MAOA: variants seen among roughly 807,000 people sequenced by gnomAD.
MAOA encodes amine oxidase [flavin-containing] A.
A neutral mutation model predicts 42.0 loss-of-function variants in MAOA; 6 were observed. That is an observed-to-expected ratio of 0.14 (90% CI 0.08 to 0.28). The LOEUF (loss-of-function observed/expected upper bound fraction) is 0.28, where lower values mean the gene tolerates loss of function less well. MAOA is among the 10% of genes least tolerant of loss of function. MAOA has a pLI of 1.00. For synonymous variants in MAOA, 140 were observed against 154.0 expected, an observed-to-expected ratio of 0.91 and a Z score of 0.67; for missense variants, 262 against 422.3, an observed-to-expected ratio of 0.62 and a Z score of 3.33.
chrX:43,707,075 G>A (rs1314365344), intron 3 of MAOA, among the ~76,000 whole-genome samples: 1 of 111,724 alleles, frequency 9.0e-6, no homozygotes, highest in African/African-American at 3.3e-5. Flanking sequence ...CATGAAAAAT[G>A]TAAACCATAA....
At chrX:43,667,379 C>T (rs771103596) in intron 1 of MAOA, among the ~76,000 whole-genome samples, 1 of 111,408 alleles carries the variant, frequency 9.0e-6, no homozygotes, top group Admixed American at 9.6e-5. Context: ...TCACCTGTAT[C>T]ACAGCACCTA....
At chrX:43,663,987 G>GT (rs1211398034) in intron 1 of MAOA, among the ~76,000 whole-genome samples, 2 of 111,893 alleles carry the variant, frequency 1.8e-5, no homozygotes, top group Non-Finnish European at 3.8e-5. Flanking sequence ...ACGCATAGAT[G>GT]TTTTTCTCCT....
At position 43,686,488 on chromosome X, in the gene MAOA, G is replaced by A. The variant is rs752459936; in HGVS notation, c.168+2881G>A. The stretch of plus-strand genomic sequence containing the variant: ...TATACTCCAAATGATGAGAAGGAGA[G>A]AAAGAGGGCTTTAAGAAACAGGCAT... On this transcript the variant is annotated intron_variant, in intron 2 of 14. Transcript: ENST00000338702. 2.4e-3 allele frequency among the ~76,000 whole-genome samples: 274 copies of A among 112,794 alleles called. 5 individuals carry two copies. The highest frequency in any genetic ancestry group is 9.3e-3 in the Middle Eastern group (2 of 214).
At chrX:43,663,864 T>C (rs1437787472) in intron 1 of MAOA, among the ~76,000 whole-genome samples, 4 of 112,206 alleles carry the variant, frequency 3.6e-5, no homozygotes, top group Non-Finnish European at 5.6e-5. Context: ...ATTTAGGATA[T>C]GTAGAGATTG....
chrX:43,691,470 A>C (rs1423179130), intron 2 of MAOA, among the ~76,000 whole-genome samples: 1 of 112,411 alleles, frequency 8.9e-6, no homozygotes, highest in East Asian at 2.8e-4. Flanking sequence ...ATGAACATTA[A>C]ACCAACAGTT....
At chrX:43,708,662 GTTT>G (rs758339663) in intron 3 of MAOA, among the ~76,000 whole-genome samples, 1 of 96,113 alleles carries the variant, frequency 1.0e-5, no homozygotes, top group African/African-American at 3.9e-5. Flanking sequence ...TCTTCTTGTT[GTTT>G]TTTTTTTTTT....
chrX:43,696,197 G>A (rs1361861641), intron 3 of MAOA, among the ~76,000 whole-genome samples: 1 of 111,690 alleles, frequency 9.0e-6, no homozygotes, highest in Non-Finnish European at 1.9e-5. Context: ...TTTTGTTGCT[G>A]CTGCTGAGTC....
At position 43,745,199 on chromosome X, in the gene MAOA, G is replaced by A. The variant is rs1303714592; in HGVS notation, c.*686G>A. The A allele has an allele frequency of 8.8e-6, 1 of 113,988 alleles. No homozygotes were observed. Among genetic ancestry groups the A allele is most frequent in the Non-Finnish European group, 1.8e-5 (1 of 54,395 alleles). The allele number at this position is 113,988 out of a possible 1,213,427, so 9.4% of individuals were successfully genotyped here. On this transcript the variant is annotated 3_prime_UTR_variant, in exon 15 of 15. Coordinates refer to ENST00000338702, the MANE Select transcript of MAOA (RefSeq NM_000240.4). ...TTTTTCCTCTTTCACTTCTTATGGAGGAGAGTGTTTAACTGAGTTAGAATG... is the reference window on the plus strand; with the variant it reads ...TTTTTCCTCTTTCACTTCTTATGGAAGAGAGTGTTTAACTGAGTTAGAATG...
intron 5 of MAOA, among the ~76,000 whole-genome samples, chrX:43,717,702 C>T (rs2033755424): frequency 9.1e-6 from 1 of 110,283 alleles, no homozygotes; most frequent in Admixed American, 9.6e-5. Context: ...CATGAATGAC[C>T]CACTGGGGTC....
Position 43,672,043 on chromosome X carries a change from G to A in MAOA, c.74-11470G>A, listed in dbSNP as rs181482174. On this transcript the variant is annotated intron_variant, in intron 1 of 14. Transcript: ENST00000338702. The stretch of plus-strand genomic sequence containing the variant: ...ATAAATTACCTTGGGCAGTATGGCC[G>A]GTTTCACAATATTGATTCTTCCTAC... 6.8e-4 allele frequency among the ~76,000 whole-genome samples: 76 copies of A among 111,259 alleles called. No individual in the cohort carries two copies. In the Admixed American group the frequency reaches 7.2e-3, roughly 10 times the overall value.
chrX:43,711,750 C>A, intron 3 of MAOA, 122 bp from the exon 4 acceptor site: 1 of 532,951 alleles, frequency 1.9e-6, no homozygotes, highest in Non-Finnish European at 3.3e-6. Flanking sequence ...ATGTTTCTGA[C>A]ACAGTAGAGG....
intron 1 of MAOA, among the ~76,000 whole-genome samples, chrX:43,677,179 T>C (rs752739295): frequency 8.9e-6 from 1 of 112,033 alleles, no homozygotes; most frequent in South Asian, 3.8e-4. Flanking sequence ...CTGAGATTTA[T>C]GCCCTGGGAA....
At chrX:43,704,023 A>G (rs140426609) in intron 3 of MAOA, among the ~76,000 whole-genome samples, 159 of 111,863 alleles carry the variant, frequency 1.4e-3, no homozygotes, top group African/African-American at 4.9e-3. Flanking sequence ...CACAGAAACA[A>G]ACCCAGACAC....
chrX:43,720,688 C>A (rs1034596752), intron 5 of MAOA, among the ~76,000 whole-genome samples: 1 of 96,951 alleles, frequency 1.0e-5, no homozygotes, highest in African/African-American at 3.9e-5. Flanking sequence ...CACAGGTGCA[C>A]GGGGGAGATA....
chrX:43,715,868 G>A (rs1472371494), intron 5 of MAOA, among the ~76,000 whole-genome samples: 1 of 110,876 alleles, frequency 9.0e-6, no homozygotes, highest in Admixed American at 9.6e-5. Context: ...ACAGAGAAGG[G>A]TAGATGTTTT....
In MAOA at chrX:43,742,066, G is replaced by T. The variant is rs377168294; in HGVS notation, c.1262+19G>T. The T allele has an allele frequency of 8.3e-7, 1 of 1,208,833 alleles. No homozygotes were observed. The highest frequency in any genetic ancestry group is 1.1e-6 in the Non-Finnish European group (1 of 894,881). ...ATGGAAGGTATTACGCAAGCACTAC[G>T]CCAATTAATCCAAGACCTGTGCCAA... is the stretch of plus-strand genomic sequence containing the variant. On this transcript the variant is annotated intron_variant, in intron 12 of 14. Coordinates refer to ENST00000338702, the MANE Select transcript of MAOA (RefSeq NM_000240.4).
rs767687635 is a variant in MAOA, at chrX:43,744,373, C to G, written c.1444C>G (p.Pro482Ala). The G allele has an allele frequency of 1.1e-5, 13 of 1,208,883 alleles. No homozygotes were observed. The highest frequency in any genetic ancestry group is 1.2e-5 in the Non-Finnish European group (11 of 894,777). Residue 482 changes from proline (P) to alanine (A), a missense_variant, in exon 15 of 15, where the codon CCA becomes GCA. Around this residue, in one of 3 missense-constraint regions of MAOA, gnomAD observed 35 missense variants for 36.4 expected, o/e 0.96. Transcript: ENST00000338702. ...TCTGTGTTCCTTCATCTAGGACGTTCCAGCGGTAGAAATCACCCACACCTT... is the reference window on the plus strand; with the variant it reads ...TCTGTGTTCCTTCATCTAGGACGTTGCAGCGGTAGAAATCACCCACACCTT... ...WVQEPESKDVPAVEITHTFWE... is the reference protein window; with the variant it reads ...WVQEPESKDVAAVEITHTFWE...
At chrX:43,697,678 A>G (rs1268771784) in intron 3 of MAOA, among the ~76,000 whole-genome samples, 1 of 112,116 alleles carries the variant, frequency 8.9e-6, no homozygotes, top group African/African-American at 3.2e-5. Context: ...ACCAAGGTAG[A>G]CAACAATGTT....
intron 2 of MAOA, among the ~76,000 whole-genome samples, chrX:43,687,529 A>G (rs1185129441): frequency 8.9e-6 from 1 of 112,298 alleles, no homozygotes; most frequent in African/African-American, 3.2e-5. Flanking sequence ...AATAAACATT[A>G]TATGAGGGCA....
Sources: allele counts gnomAD v4.1 joint callset (sites outside exome capture counted in the v4.1 genomes callset), GRCh38; gene constraint gnomAD v4.1.1; regional missense constraint gnomAD v4.1.1; transcripts MANE v1.5; gene names NCBI Gene and HGNC (gene_info 2026-07-23, HGNC 2026-07-21).